ZNF600: variants seen among roughly 807,000 people sequenced by gnomAD.
ZNF600 encodes zinc finger protein KR-ZNF1.
In ZNF600, 4 loss-of-function variants were observed where a neutral mutation model predicts 7.3. That is an observed-to-expected ratio of 0.55 (90% CI 0.27 to 1.25). The LOEUF (loss-of-function observed/expected upper bound fraction) is 1.25, where lower values mean the gene tolerates loss of function less well. Ranked by LOEUF, ZNF600 falls within the 50% of genes most tolerant of loss-of-function variation. The probability of loss-of-function intolerance (pLI) is 0.12; values close to 1 mark genes in which losing one functional copy is unlikely to be tolerated. For missense variants in ZNF600, 911 were observed against 922.1 expected (o/e 0.99, Z 0.16); for synonymous variants, 290 against 308.9 (o/e 0.94, Z 0.64).
chr19:52,821,319 T>C, the ZNF600 span, among the ~76,000 whole-genome samples: 1 of 150,322 alleles, frequency 6.7e-6, no homozygotes, highest in Admixed American at 6.6e-5. Flanking sequence ...GCGGAAGGAG[T>C]CAAAAAAAGG....
chr19:52,818,353 G>C, the ZNF600 span, among the ~76,000 whole-genome samples: 3 of 152,162 alleles, frequency 2.0e-5, no homozygotes, highest in Non-Finnish European at 2.9e-5. Flanking sequence ...GAGGTGGAAG[G>C]ATCACTTGAG....
the ZNF600 span, among the ~76,000 whole-genome samples, chr19:52,816,030 G>A: frequency 6.8e-6 from 1 of 146,640 alleles, no homozygotes; most frequent in Admixed American, 6.9e-5. Context: ...AGAAATACAC[G>A]TGTACGAGAC....
At chr19:52,779,609 G>A (rs557316395) in intron 1 of ZNF600, among the ~76,000 whole-genome samples, 14 of 152,268 alleles carry the variant, frequency 9.2e-5, no homozygotes, top group Admixed American at 2.6e-4. Flanking sequence ...ATAAATCTTC[G>A]AGCCCCAACT....
chr19:52,811,424 C>T, the ZNF600 span, among the ~76,000 whole-genome samples: 4 of 146,328 alleles, frequency 2.7e-5, no homozygotes, highest in African/African-American at 1.1e-4. Flanking sequence ...TCTGCCCGGC[C>T]GCCATCCCAT....
intron 2 of ZNF600, 127 bp from the exon 5 acceptor site, chr19:52,774,828 T>C: frequency 1.0e-6 from 1 of 982,420 alleles, no homozygotes; most frequent in Non-Finnish European, 1.2e-6. Flanking sequence ...TAAGGTATTT[T>C]GAATATTTTT....
At chr19:52,833,511 G>C in the ZNF600 span, among the ~76,000 whole-genome samples, 8 of 152,174 alleles carry the variant, frequency 5.3e-5, no homozygotes, top group Non-Finnish European at 1.2e-4. Flanking sequence ...AGAAAGGAAA[G>C]AGACAGATTA....
chr19:52,798,416 G>A, the ZNF600 span: 2 of 408,270 alleles, frequency 4.9e-6, no homozygotes, highest in Non-Finnish European at 9.7e-6. Context: ...TTGATGGCTT[G>A]CTATACTAAT....
chr19:52,810,443 T>C, the ZNF600 span: 3 of 1,598,908 alleles, frequency 1.9e-6, no homozygotes, highest in East Asian at 4.5e-5. Context: ...GGTTTGCATA[T>C]ATAGAGTTCT....
intron 1 of ZNF600, among the ~76,000 whole-genome samples, chr19:52,782,837 T>G (rs2062733855): frequency 6.6e-6 from 1 of 151,696 alleles, no homozygotes; most frequent in Non-Finnish European, 1.5e-5. Context: ...ATCGCTCCAC[T>G]GCACTCCAGC....
At chr19:52,789,149 G>T (rs1044529825), upstream of ZNF600, among the ~76,000 whole-genome samples, 2 of 152,218 alleles carry the variant, frequency 1.3e-5, no homozygotes, top group Non-Finnish European at 2.9e-5. Flanking sequence ...TCAGAACAAA[G>T]ACTTAGGGAA....
the ZNF600 span, chr19:52,810,768 T>TC: frequency 4.6e-6 from 2 of 437,284 alleles, no homozygotes; most frequent in African/African-American, 3.3e-5. Flanking sequence ...AAAAAAAGAA[T>TC]AAAAAAAAAC....
chr19:52,773,193 T>A (rs1164357597), intron 3 of ZNF600, among the ~76,000 whole-genome samples: 1 of 151,944 alleles, frequency 6.6e-6, no homozygotes, highest in African/African-American at 2.4e-5. Flanking sequence ...GTGAACTTTG[T>A]GCATGCATGT....
chr19:52,791,339 A>G (rs2062790371), upstream of ZNF600, among the ~76,000 whole-genome samples: 2 of 152,232 alleles, frequency 1.3e-5, no homozygotes, highest in Non-Finnish European at 2.9e-5. Flanking sequence ...AGGAGATGGA[A>G]TCTCAGAGCA....
chr19:52,822,314 C>G, the ZNF600 span, among the ~76,000 whole-genome samples: 1 of 151,974 alleles, frequency 6.6e-6, no homozygotes, highest in African/African-American at 2.4e-5. Context: ...TCAAGTGATC[C>G]GACTGCCTTG....
At chr19:52,826,770 G>A in the ZNF600 span, among the ~76,000 whole-genome samples, 1 of 152,062 alleles carries the variant, frequency 6.6e-6, no homozygotes, top group Admixed American at 6.6e-5. Context: ...CAGCTACTTG[G>A]GAGGCTGAGC....
intron 3 of ZNF600, among the ~76,000 whole-genome samples, chr19:52,774,298 A>G (rs533060590): frequency 2.6e-5 from 4 of 151,566 alleles, no homozygotes; most frequent in East Asian, 2.0e-4. Flanking sequence ...GTGTGGTGGC[A>G]CATGCCTGTA....
At chr19:52,802,896 G>C in the ZNF600 span, among the ~76,000 whole-genome samples, 2 of 151,066 alleles carry the variant, frequency 1.3e-5, no homozygotes, top group African/African-American at 4.9e-5. Context: ...CAGCAGCTTG[G>C]ACTACAGGCA....
the ZNF600 span, chr19:52,800,643 T>C: frequency 1.9e-6 from 3 of 1,613,474 alleles, no homozygotes; most frequent in Middle Eastern, 1.7e-4. Context: ...AATCCTCTTA[T>C]GTCTTTCAAG....
the ZNF600 span, chr19:52,799,847 A>G: frequency 6.2e-7 from 1 of 1,613,632 alleles, no homozygotes; most frequent in Non-Finnish European, 8.5e-7. Context: ...TGCCACATTC[A>G]TTACACTTGT....
Sources: gnomAD v4.1 joint callset for allele counts (sites outside exome capture counted in the v4.1 genomes callset) on GRCh38, gnomAD v4.1.1 for gene constraint, MANE v1.5 for transcripts, NCBI Gene and HGNC (gene_info 2026-07-23, HGNC 2026-07-21) for gene names.